Variants in KLRF2 observed in about 807,000 individuals in gnomAD.
KLRF2 encodes killer cell lectin like receptor F2, also known as killer cell lectin-like receptor subfamily F member 2.
Under a neutral mutation model 25.3 loss-of-function variants are expected in KLRF2, and 28 were observed. That is an observed-to-expected ratio of 1.11 (90% CI 0.82 to 1.52). KLRF2 has a LOEUF of 1.52. Ranked by LOEUF, KLRF2 falls within the 40% of genes most tolerant of loss-of-function variation. KLRF2 has a pLI of 0.00. For missense variants in KLRF2, 265 were observed against 245.8 expected (o/e 1.08, Z -0.52); for synonymous variants, 73 against 85.0 (o/e 0.86, Z 0.78).
intron 3 of KLRF2, among the ~76,000 whole-genome samples, chr12:9,891,501 A>G (rs1223625934): frequency 6.6e-6 from 1 of 152,160 alleles, no homozygotes; most frequent in Non-Finnish European, 1.5e-5. Flanking sequence ...CAATATCTAC[A>G]TAATAAAATT....
At chr12:9,894,276 G>A (rs1862728527) in intron 5 of KLRF2, among the ~76,000 whole-genome samples, 1 of 151,322 alleles carries the variant, frequency 6.6e-6, no homozygotes, top group Admixed American at 6.6e-5. Context: ...TGACCTTCTG[G>A]GCTCAAGCAA....
chr12:9,888,471 C>A (rs979811190), intron 2 of KLRF2, among the ~76,000 whole-genome samples: 1 of 150,694 alleles, frequency 6.6e-6, no homozygotes, highest in African/African-American at 2.5e-5. Context: ...GCCTGGGCAA[C>A]AGAGTGAGAC....
intron 3 of KLRF2, 103 bp from the exon 4 acceptor site, chr12:9,892,917 T>C: frequency 1.1e-6 from 1 of 899,482 alleles, no homozygotes; most frequent in Non-Finnish European, 1.6e-6. Context: ...AAAAAAAAAA[T>C]GAGTTGGAAA....
chr12:9,886,743 G>C (rs939556990), intron 2 of KLRF2, among the ~76,000 whole-genome samples: 12 of 132,240 alleles, frequency 9.1e-5, no homozygotes, highest in African/African-American at 3.3e-4. Flanking sequence ...TTACACAGTG[G>C]ATTTTGCCCC....
At chr12:9,892,916 A>AAT in intron 3 of KLRF2, 104 bp from the exon 4 acceptor site, 2 of 1,064,354 alleles carry the variant, frequency 1.9e-6, no homozygotes, top group Non-Finnish European at 1.3e-6. Context: ...AAAAAAAAAA[A>AAT]TGAGTTGGAA....
At chr12:9,886,883 G>A (rs952482030) in intron 2 of KLRF2, among the ~76,000 whole-genome samples, 3 of 151,828 alleles carry the variant, frequency 2.0e-5, no homozygotes, top group Non-Finnish European at 2.9e-5. Context: ...ATACCCACTT[G>A]TTTTGGTTTT....
chr12:9,884,153 A>G (rs1038648745), intron 1 of KLRF2, among the ~76,000 whole-genome samples: 2 of 152,010 alleles, frequency 1.3e-5, no homozygotes, highest in African/African-American at 2.4e-5. Context: ...TAATATGTGG[A>G]AAAAAGTAGA....
chr12:9,889,366 T>G (rs953436394), intron 3 of KLRF2, among the ~76,000 whole-genome samples: 9 of 152,174 alleles, frequency 5.9e-5, no homozygotes, highest in Admixed American at 2.0e-4. Context: ...GAAGATATTT[T>G]TTAGATGAAA....
At chr12:9,886,097 GA>G (rs1211996644) in intron 2 of KLRF2, among the ~76,000 whole-genome samples, 2 of 152,022 alleles carry the variant, frequency 1.3e-5, no homozygotes. Context: ...TTCTTTTAAA[GA>G]AAAACGCTAT....
chr12:9,891,253 CA>C (rs35313358), intron 3 of KLRF2, among the ~76,000 whole-genome samples: 18,987 of 152,154 alleles, frequency 0.12, 1,486 homozygotes, highest in South Asian at 0.38. Context: ...TTATCTAAAG[CA>C]TCTAATAGAG....
intron 1 of KLRF2, among the ~76,000 whole-genome samples, chr12:9,884,389 G>A (rs1455898032): frequency 6.6e-6 from 1 of 151,558 alleles, no homozygotes; most frequent in African/African-American, 2.4e-5. Context: ...ACAGGTGTAA[G>A]GTGAAATAAA....
chr12:9,888,675 C>A, intron 2 of KLRF2, 58 bp from the exon 3 acceptor site: 1 of 973,230 alleles, frequency 1.0e-6, no homozygotes, highest in Non-Finnish European at 1.6e-6. Context: ...TTCTCATGTA[C>A]CTAGATTGCT....
rs187203415 is a variant in KLRF2, at chr12:9,892,714, A to G, written c.218-306A>G. 5.9e-3 allele frequency among the ~76,000 whole-genome samples: 893 copies of G among 150,140 alleles called. 7 individuals are homozygous for G. The highest frequency in any genetic ancestry group is 0.01 in the Middle Eastern group (3 of 290). On this transcript the variant is annotated intron_variant, in intron 3 of 5. Transcript: ENST00000535540. Reference sequence around the variant, plus strand: ...ATTCTCCTGCCTCAGCCTCCCAAGTAGCTGGGATTACAGGCATGGGCCACC... The same window carrying G: ...ATTCTCCTGCCTCAGCCTCCCAAGTGGCTGGGATTACAGGCATGGGCCACC...
rs116895400 is a variant in KLRF2 at position 9,889,200 on chromosome 12, G to A, written c.217+420G>A. Among the ~76,000 whole-genome samples the A allele has an allele frequency of 5.9e-3, 902 of 152,252 alleles. 6 individuals carry two copies. Among genetic ancestry groups the A allele is most frequent in the Non-Finnish European group, 0.011 (726 of 68,010 alleles). Reference sequence around the variant, plus strand: ...CATGAATTTAGGCAAATTAAACATAGTTTTTTAAACTTTCAAATGAGGATA... The same window carrying A: ...CATGAATTTAGGCAAATTAAACATAATTTTTTAAACTTTCAAATGAGGATA... On this transcript the variant is annotated intron_variant, in intron 3 of 5. Transcript: ENST00000535540.
chr12:9,893,385 T>A (rs1292259796), intron 4 of KLRF2, 44 bp from the exon 5 acceptor site: 1 of 1,027,270 alleles, frequency 9.7e-7, no homozygotes, highest in Non-Finnish European at 1.4e-6. Flanking sequence ...GCATCAAAAT[T>A]TTTTTAAACA....
chr12:9,889,488 A>G (rs1862647412), intron 3 of KLRF2, among the ~76,000 whole-genome samples: 1 of 152,170 alleles, frequency 6.6e-6, no homozygotes, highest in Non-Finnish European at 1.5e-5. Flanking sequence ...CCCCAAAGGA[A>G]GAGGAATTTT....
At chr12:9,887,966 G>A (rs1050370964) in intron 2 of KLRF2, among the ~76,000 whole-genome samples, 1 of 150,096 alleles carries the variant, frequency 6.7e-6, no homozygotes, top group Admixed American at 6.7e-5. Context: ...TGAGGCAAGA[G>A]GATGGCTTGA....
At chr12:9,881,836 G>T (rs761537788) in intron 1 of KLRF2, among the ~76,000 whole-genome samples, 171 bp downstream of exon 1, 2 of 152,094 alleles carry the variant, frequency 1.3e-5, no homozygotes, top group Non-Finnish European at 2.9e-5. Context: ...ACAATAAAAA[G>T]TCTGCATTTT....
In KLRF2 at chr12:9,893,031, T is replaced by G. The variant is rs560969906; in HGVS notation, c.229T>G (p.Leu77Val). 8 of 1,535,578 alleles carry G rather than the reference T, an allele frequency of 5.2e-6. No individual in the cohort carries two copies. In the African/African-American group the frequency reaches 9.6e-5, roughly 18 times the overall value. ...NVSSLSGHNYLCPNDWLLNEG... is the reference protein window; with the variant it reads ...NVSSLSGHNYVCPNDWLLNEG... ...ATGTTTTCCTTTAGGACACAATTAC[T>G]TGTGCCCAAATGACTGGCTGTTGAA... Residue 77 changes from leucine to valine, a missense_variant, in exon 4 of 6, where the codon TTG becomes GTG. Transcript: ENST00000535540.
Sources: gnomAD v4.1 joint callset for allele counts (sites outside exome capture counted in the v4.1 genomes callset) on GRCh38, gnomAD v4.1.1 for gene constraint, MANE v1.5 for transcripts, NCBI Gene and HGNC (gene_info 2026-07-23, HGNC 2026-07-21) for gene names.